The following AGBL2 variants were observed in gnomAD, a reference collection of about 807,000 sequenced individuals.
AGBL2 encodes cytosolic carboxypeptidase 2.
A neutral mutation model predicts 103.0 loss-of-function variants in AGBL2; 87 were observed. The ratio of observed to expected loss-of-function variants is 0.84; its 90% CI spans 0.71 to 1.01. AGBL2 has a LOEUF of 1.01. AGBL2 is among the 50% of genes least tolerant of loss of function. The probability of loss-of-function intolerance (pLI) is 0.00; values close to 1 mark genes in which losing one functional copy is unlikely to be tolerated. For synonymous variants in AGBL2, 335 were observed against 356.7 expected (o/e 0.94, Z 0.69); for missense variants, 904 against 1,023.5 (o/e 0.88, Z 1.59).
In AGBL2 at chr11:47,690,868, A is replaced by G; in HGVS notation, c.849-10T>C. 4 of 1,597,106 alleles carry G rather than the reference A, an allele frequency of 2.5e-6. No individual in the cohort carries two copies. In the South Asian group the frequency reaches 4.5e-5, roughly 18 times the overall value. On this transcript the variant is annotated splice_polypyrimidine_tract_variant and intron_variant, in intron 9 of 18. Transcript: ENST00000525123. The stretch of plus-strand genomic sequence containing the variant: ...ATACTCATAGGTGTCTCTGTAATGG[A>G]GAAAATAGAACAACTCTGTAAGCTT...
At chr11:47,673,701 G>GTCTT (rs1395001579) in intron 14 of AGBL2, among the ~76,000 whole-genome samples, 1 of 151,208 alleles carries the variant, frequency 6.6e-6, no homozygotes, top group African/African-American at 2.4e-5. Context: ...GACTGAGGCA[G>GTCTT]GAGAATTGCT....
At chr11:47,705,727 T>TGA (rs1269382902) in intron 5 of AGBL2, 93 bp from the exon 6 acceptor site, 12 of 711,826 alleles carry the variant, frequency 1.7e-5, no homozygotes, top group Non-Finnish European at 2.5e-5. Context: ...AACTAAAGGC[T>TGA]GAGGGTCCTT....
chr11:47,687,569 T>C (rs1388859060), intron 10 of AGBL2, among the ~76,000 whole-genome samples: 3 of 150,832 alleles, frequency 2.0e-5, no homozygotes, highest in Non-Finnish European at 4.4e-5. Context: ...AAAAAAAGTG[T>C]GGCACCTCCC....
At chr11:47,672,644 G>A (rs1190643085) in intron 14 of AGBL2, among the ~76,000 whole-genome samples, 1 of 152,110 alleles carries the variant, frequency 6.6e-6, no homozygotes. Flanking sequence ...TGTATTTGGA[G>A]AGGGGTTGGT....
intron 3 of AGBL2, chr11:47,711,007 C>T: frequency 2.8e-6 from 1 of 359,896 alleles, no homozygotes; most frequent in Non-Finnish European, 5.4e-6. Flanking sequence ...TTCCAACCCT[C>T]AATAACATGC....
chr11:47,710,119 C>A (rs2097532717), intron 4 of AGBL2: 1 of 397,264 alleles, frequency 2.5e-6, no homozygotes, highest in Non-Finnish European at 4.7e-6. Context: ...AAACTCCTAA[C>A]CTCAAGTGAT....
chr11:47,670,751 T>A (rs971707102), intron 14 of AGBL2, among the ~76,000 whole-genome samples: 2 of 151,130 alleles, frequency 1.3e-5, no homozygotes, highest in Non-Finnish European at 2.9e-5. Flanking sequence ...CCCAGCACTT[T>A]GGGAGGCTGA....
chr11:47,661,634 T>C (rs956214853), intron 18 of AGBL2, among the ~76,000 whole-genome samples: 15 of 152,180 alleles, frequency 9.9e-5, no homozygotes, highest in African/African-American at 3.1e-4. Flanking sequence ...CTACTCTATA[T>C]CTAGTACACC....
At chr11:47,710,903 C>T (rs1477068287) in intron 3 of AGBL2, 2 of 369,842 alleles carry the variant, frequency 5.4e-6, no homozygotes, top group Admixed American at 8.2e-5. Context: ...GAGCGAGATC[C>T]TGTCTCAAAA....
intron 4 of AGBL2, among the ~76,000 whole-genome samples, chr11:47,706,978 G>A (rs2097522890): frequency 6.8e-6 from 1 of 146,152 alleles, no homozygotes; most frequent in South Asian, 2.1e-4. Flanking sequence ...CTTGAGGTCA[G>A]GAGTTCAAGA....
chr11:47,703,939 A>C (rs1187730617), intron 7 of AGBL2, among the ~76,000 whole-genome samples: 12 of 137,710 alleles, frequency 8.7e-5, no homozygotes, highest in East Asian at 4.8e-4. Flanking sequence ...AAAAAAAAAA[A>C]ACAAAAAAAA....
At chr11:47,684,073 A>G (rs918582546) in intron 11 of AGBL2, among the ~76,000 whole-genome samples, 2 of 152,030 alleles carry the variant, frequency 1.3e-5, no homozygotes, top group Non-Finnish European at 2.9e-5. Flanking sequence ...CTACATCTCT[A>G]CTAAAAATAC....
chr11:47,672,650 T>A (rs1404606239), intron 14 of AGBL2, among the ~76,000 whole-genome samples: 1 of 151,886 alleles, frequency 6.6e-6, no homozygotes, highest in Non-Finnish European at 1.5e-5. Flanking sequence ...TGGAGAGGGG[T>A]TGGTGCAGAG....
At chr11:47,705,740 G>C (rs1599087790) in intron 5 of AGBL2, 106 bp from the exon 6 acceptor site, 1 of 825,790 alleles carries the variant, frequency 1.2e-6, no homozygotes, top group Admixed American at 1.9e-5. Context: ...GGGTCCTTCA[G>C]TGCTCATCAG....
At chr11:47,689,634 T>C (rs996549312) in intron 10 of AGBL2, among the ~76,000 whole-genome samples, 2 of 152,150 alleles carry the variant, frequency 1.3e-5, no homozygotes, top group African/African-American at 4.8e-5. Context: ...TCATACAACA[T>C]GCGATATTGA....
At chr11:47,679,063 A>G (rs2097390501) in intron 13 of AGBL2, among the ~76,000 whole-genome samples, 2 of 141,146 alleles carry the variant, frequency 1.4e-5, no homozygotes, top group Non-Finnish European at 3.1e-5. Flanking sequence ...TGTCTCAAAA[A>G]AAAAAAAAAA....
At chr11:47,669,249 G>T (rs749905326) in intron 14 of AGBL2, among the ~76,000 whole-genome samples, 18 of 152,218 alleles carry the variant, frequency 1.2e-4, no homozygotes, top group Non-Finnish European at 2.1e-4. Flanking sequence ...TAAAATTCTT[G>T]TAGTCACAGG....
chr11:47,664,086 C>T (rs543724444), intron 17 of AGBL2, among the ~76,000 whole-genome samples: 40 of 152,108 alleles, frequency 2.6e-4, no homozygotes, highest in African/African-American at 9.2e-4. Context: ...AACCCCTGAC[C>T]TCAGGTGATC....
chr11:47,664,175 A>C (rs542563927), intron 17 of AGBL2, among the ~76,000 whole-genome samples: 111 of 152,172 alleles, frequency 7.3e-4, no homozygotes, highest in African/African-American at 2.5e-3. Context: ...ACCATAGGGT[A>C]GTGTTTCACA....
Sources: gnomAD v4.1 joint callset for allele counts (sites outside exome capture counted in the v4.1 genomes callset) on GRCh38, gnomAD v4.1.1 for gene constraint, MANE v1.5 for transcripts, NCBI Gene and HGNC (gene_info 2026-07-23, HGNC 2026-07-21) for gene names.